The following ACOXL variants were observed in gnomAD, a reference collection of about 807,000 sequenced individuals.
ACOXL encodes the protein acyl-CoA oxidase like.
ACOXL carries 70 observed loss-of-function variants against 71.9 expected under a neutral mutation model. That is an observed-to-expected ratio of 0.97 (90% CI 0.80 to 1.19). The LOEUF (loss-of-function observed/expected upper bound fraction) is 1.19. Ranked by LOEUF, ACOXL falls within the 50% of genes most tolerant of loss-of-function variation. The pLI is 0.00. For synonymous variants in ACOXL, 253 were observed against 281.6 expected (o/e 0.90, Z 1.02); for missense variants, 703 against 736.3 (o/e 0.95, Z 0.52).
intron 14 of ACOXL, among the ~76,000 whole-genome samples, chr2:111,007,522 G>C (rs1423546061): frequency 6.6e-6 from 1 of 152,168 alleles, no homozygotes; most frequent in Non-Finnish European, 1.5e-5. Flanking sequence ...CTTGCCAATT[G>C]TTCCAAGCAT....
chr2:110,939,775 G>C (rs893045295), intron 12 of ACOXL, among the ~76,000 whole-genome samples: 5 of 152,144 alleles, frequency 3.3e-5, no homozygotes, highest in Non-Finnish European at 7.3e-5. Context: ...AAACATTTGG[G>C]ATTTTTTTGC....
chr2:111,055,443 C>G (rs762480970), intron 16 of ACOXL, among the ~76,000 whole-genome samples: 12 of 152,240 alleles, frequency 7.9e-5, no homozygotes, highest in Non-Finnish European at 1.6e-4. Context: ...ACTACACACA[C>G]CTTCCATCAT....
chr2:110,950,810 G>GGGGA (rs2061300407), intron 12 of ACOXL, among the ~76,000 whole-genome samples: 1 of 142,796 alleles, frequency 7.0e-6, no homozygotes, highest in Non-Finnish European at 1.5e-5. Flanking sequence ...GGTGGGGGGT[G>GGGGA]GAGAGAGAGA....
intron 16 of ACOXL, among the ~76,000 whole-genome samples, chr2:111,080,510 G>T (rs765046413): frequency 6.6e-6 from 1 of 152,180 alleles, no homozygotes; most frequent in South Asian, 2.1e-4. Flanking sequence ...ATGTAGTTGT[G>T]TGATTGAGGC....
intron 16 of ACOXL, among the ~76,000 whole-genome samples, chr2:111,078,301 G>A (rs1010540911): frequency 1.3e-5 from 2 of 151,778 alleles, no homozygotes; most frequent in Non-Finnish European, 2.9e-5. Flanking sequence ...GTCTTACTCT[G>A]CCGCCCAGGC....
chr2:110,805,165 G>A (rs557299370), intron 8 of ACOXL, 98 bp from the exon 9 acceptor site: 7 of 1,476,552 alleles, frequency 4.7e-6, no homozygotes, highest in East Asian at 4.6e-5. Context: ...GGGGAAATCC[G>A]AGTGCTTCCC....
intron 5 of ACOXL, 25 bp from the exon 6 acceptor site, chr2:110,798,585 C>T (rs752466365): frequency 6.3e-7 from 1 of 1,584,892 alleles, no homozygotes. Flanking sequence ...AAGGGAAACA[C>T]TGTTGCTCTG....
intron 10 of ACOXL, among the ~76,000 whole-genome samples, chr2:110,857,915 A>G (rs997167406): frequency 3.3e-5 from 5 of 152,126 alleles, no homozygotes; most frequent in East Asian, 1.9e-4. Context: ...TTGTAGAGAC[A>G]GGATTTTGCC....
chr2:110,813,371 G>A (rs900668902), intron 9 of ACOXL, among the ~76,000 whole-genome samples: 2 of 152,188 alleles, frequency 1.3e-5, no homozygotes, highest in African/African-American at 4.8e-5. Context: ...GTGTGATGCT[G>A]CCATAATTGT....
chr2:110,987,228 C>G lies in ACOXL; in HGVS notation c.1169+11C>G. The G allele has an allele frequency of 6.4e-7, 1 of 1,560,252 alleles. No homozygotes were observed. The highest frequency in any genetic ancestry group is 8.7e-7 in the Non-Finnish European group (1 of 1,149,870). ...CAAGCTGAGAACCAGGTACGTATTA[C>G]TCAGGCCATCATCATCTGCCTTCAG... On this transcript the variant is annotated intron_variant, in intron 13 of 17. Coordinates refer to ENST00000439055, the MANE Select transcript of ACOXL (RefSeq NM_001142807.4).
intron 7 of ACOXL, among the ~76,000 whole-genome samples, chr2:110,801,071 C>G (rs964739512): frequency 6.6e-6 from 1 of 152,218 alleles, no homozygotes; most frequent in African/African-American, 2.4e-5. Context: ...ACCCCAGACT[C>G]TGGCAGGTGT....
chr2:110,781,300 C>T (rs904367998), intron 2 of ACOXL, among the ~76,000 whole-genome samples: 1 of 152,098 alleles, frequency 6.6e-6, no homozygotes, highest in African/African-American at 2.4e-5. Context: ...TGTCAAGAGG[C>T]TGTTACTATA....
chr2:110,943,084 A>G (rs747463333), intron 12 of ACOXL, among the ~76,000 whole-genome samples: 22 of 120,742 alleles, frequency 1.8e-4, no homozygotes, highest in Non-Finnish European at 3.5e-4. Flanking sequence ...AGAAAAGAAG[A>G]GAGGGAGGGA....
chr2:110,922,414 C>T (rs1272532463), intron 11 of ACOXL, among the ~76,000 whole-genome samples: 2 of 151,824 alleles, frequency 1.3e-5, no homozygotes, highest in African/African-American at 2.4e-5. Flanking sequence ...TTTGAGTTTT[C>T]CCCAGTGTGA....
At chr2:111,115,769 G>A (rs991485480) in intron 17 of ACOXL, among the ~76,000 whole-genome samples, 2 of 152,332 alleles carry the variant, frequency 1.3e-5, no homozygotes, top group African/African-American at 2.4e-5. Context: ...AATCTTGGCA[G>A]TCAACTCCTC....
At chr2:110,961,178 T>A (rs536733929) in intron 12 of ACOXL, among the ~76,000 whole-genome samples, 90 of 152,360 alleles carry the variant, frequency 5.9e-4, no homozygotes, top group South Asian at 3.3e-3. Context: ...CCCTGCAAGC[T>A]GTTTGAGGGC....
intron 10 of ACOXL, among the ~76,000 whole-genome samples, chr2:110,882,596 T>C (rs1696799147): frequency 6.6e-6 from 1 of 152,212 alleles, no homozygotes; most frequent in Non-Finnish European, 1.5e-5. Flanking sequence ...CTAGAATTTA[T>C]ATAGTTTTAG....
At chr2:110,962,077 C>T (rs1339809889) in intron 12 of ACOXL, among the ~76,000 whole-genome samples, 1 of 152,232 alleles carries the variant, frequency 6.6e-6, no homozygotes, top group Non-Finnish European at 1.5e-5. Context: ...CAAGAACATT[C>T]CAACACAATC....
rs1212898725 is a variant in ACOXL at position 110,804,809 on chromosome 2, T to A, written c.621-454T>A. On this transcript the variant is annotated intron_variant, in intron 8 of 17. Coordinates refer to ENST00000439055, the MANE Select transcript of ACOXL (RefSeq NM_001142807.4). The stretch of plus-strand genomic sequence containing the variant: ...ACCATAGAGAGAGAAAGTAGGTGAA[T>A]GGTTGCCAGGGACTGGAGGGAGGGG... Among the ~76,000 whole-genome samples, 3 of 148,534 alleles carry A rather than the reference T, an allele frequency of 2.0e-5. No homozygotes were observed. The East Asian group carries it at 5.9e-4, about 29-fold the overall frequency.
Sources: allele counts gnomAD v4.1 joint callset (sites outside exome capture counted in the v4.1 genomes callset), GRCh38; gene constraint gnomAD v4.1.1; transcripts MANE v1.5; gene names NCBI Gene and HGNC (gene_info 2026-07-23, HGNC 2026-07-21).